The following NEIL3 variants were observed in gnomAD, a reference collection of about 807,000 sequenced individuals.
The protein encoded by NEIL3 is nei like DNA glycosylase 3.
NEIL3 carries 48 observed loss-of-function variants against 57.5 expected under a neutral mutation model. The ratio of observed to expected loss-of-function variants is 0.83; its 90% CI spans 0.66 to 1.06. The LOEUF (loss-of-function observed/expected upper bound fraction) is 1.06, where lower values mean the gene tolerates loss of function less well. NEIL3 is among the 50% of genes least tolerant of loss of function. The probability of loss-of-function intolerance (pLI) is 0.00; values close to 1 mark genes in which losing one functional copy is unlikely to be tolerated. For missense variants in NEIL3, 717 were observed against 739.1 expected (o/e 0.97, Z 0.35); for synonymous variants, 261 against 253.2 (o/e 1.03, Z -0.29).
At position 177,322,573 on chromosome 4, in the gene NEIL3, GCTTT is replaced by G. The variant is rs1734706142; in HGVS notation, c.272_275del (p.Ala91AspfsTer7). 6.2e-7 allele frequency: 1 copy of G among 1,613,716 alleles called. No homozygotes were observed. On this transcript the variant is annotated frameshift_variant, in exon 2 of 10. Transcript: ENST00000264596. LOFTEE classifies it high-confidence loss of function. ...GCTCTTTATGTACTTTGGACCAAAA[GCTTT>G]ACGGTAAGATAAGCCTGTACGATAC...
chr4:177,311,087 A>G (rs1734467492), intron 1 of NEIL3, among the ~76,000 whole-genome samples: 1 of 152,014 alleles, frequency 6.6e-6, no homozygotes, highest in Non-Finnish European at 1.5e-5. Context: ...TTATTGTTAT[A>G]GTGTTTCTAA....
downstream of NEIL3, among the ~76,000 whole-genome samples, chr4:177,363,101 C>T (rs996432344): frequency 1.3e-5 from 2 of 152,054 alleles, no homozygotes; most frequent in East Asian, 1.9e-4. Context: ...TGCGTGTAGG[C>T]GTTTAAAAGA....
intron 6 of NEIL3, among the ~76,000 whole-genome samples, chr4:177,349,034 A>ATTTTTTTTTTTTTTT (rs70938582): frequency 7.0e-5 from 7 of 100,458 alleles, no homozygotes; most frequent in East Asian, 2.8e-4. Flanking sequence ...CACCTGGCTA[A>ATTTTTTTTTTTTTTT]TTTTTTTTTT....
chr4:177,344,333 T>C (rs1735166277), intron 6 of NEIL3, among the ~76,000 whole-genome samples: 1 of 152,240 alleles, frequency 6.6e-6, no homozygotes, highest in Non-Finnish European at 1.5e-5. Context: ...ATTTTCTGGA[T>C]GAGTATTTGA....
At chr4:177,356,494 A>G (rs1277444034) in intron 8 of NEIL3, among the ~76,000 whole-genome samples, 1 of 152,186 alleles carries the variant, frequency 6.6e-6, no homozygotes, top group Non-Finnish European at 1.5e-5. Context: ...CAAGGAATAA[A>G]TTGCAAATTA....
chr4:177,354,959 A>T (rs1735443486), intron 8 of NEIL3, among the ~76,000 whole-genome samples: 1 of 152,128 alleles, frequency 6.6e-6, no homozygotes, highest in African/African-American at 2.4e-5. Flanking sequence ...TTTAATACAT[A>T]ACGTCATCCT....
intron 1 of NEIL3, among the ~76,000 whole-genome samples, chr4:177,317,413 G>A (rs755627987): frequency 5.9e-5 from 9 of 152,024 alleles, no homozygotes; most frequent in Non-Finnish European, 1.2e-4. Context: ...TGCATTTTAA[G>A]TATATTGGGG....
intron 6 of NEIL3, among the ~76,000 whole-genome samples, chr4:177,345,464 CTT>C (rs11368079): frequency 1.6e-3 from 219 of 139,296 alleles, no homozygotes; most frequent in African/African-American, 4.2e-3. Context: ...CAAACCAACT[CTT>C]TTTTTTTTTT....
downstream of NEIL3, among the ~76,000 whole-genome samples, chr4:177,365,795 G>T (rs900634666): frequency 1.3e-5 from 2 of 152,132 alleles, no homozygotes; most frequent in African/African-American, 4.8e-5. Context: ...TTCTGTCTTA[G>T]ATTATTTTGC....
intron 4 of NEIL3, among the ~76,000 whole-genome samples, chr4:177,339,553 A>G (rs1735046255): frequency 6.6e-6 from 1 of 152,190 alleles, no homozygotes; most frequent in Admixed American, 6.5e-5. Context: ...CATTACATTG[A>G]ATAGATTGAG....
intron 8 of NEIL3, chr4:177,353,955 G>A (rs941204107): frequency 2.0e-5 from 9 of 452,990 alleles, no homozygotes; most frequent in East Asian, 8.2e-5. Context: ...CAGTAGAGAC[G>A]GGGTTTCACC....
At chr4:177,355,680 G>A (rs1735457649) in intron 8 of NEIL3, among the ~76,000 whole-genome samples, 1 of 152,114 alleles carries the variant, frequency 6.6e-6, no homozygotes, top group Non-Finnish European at 1.5e-5. Context: ...ATGGGTAGAT[G>A]CCTTCTCTCA....
Position 177,341,462 on chromosome 4 carries a change from T to G in NEIL3, c.703-14T>G, listed in dbSNP as rs1441743047. The G allele has an allele frequency of 3.5e-6, 5 of 1,426,012 alleles. No individual in the cohort carries two copies. The South Asian group carries it at 6.6e-5, about 19-fold the overall frequency. 88.3% of individuals were successfully genotyped at this position (1,426,012 alleles called of 1,614,324 possible). A position where few individuals can be genotyped will look rare whatever the true frequency, so the allele number is the denominator to read the frequency against. Reference sequence around the variant, plus strand: ...TTGTGGATAACAGAATTTTTTGGTTTTTTTTTTTTTTAGTGCCGTAAAGCA... The same window carrying G: ...TTGTGGATAACAGAATTTTTTGGTTGTTTTTTTTTTTAGTGCCGTAAAGCA... On this transcript the variant is annotated splice_polypyrimidine_tract_variant and intron_variant, in intron 5 of 9. Coordinates refer to ENST00000264596, the MANE Select transcript of NEIL3 (RefSeq NM_018248.3).
the NEIL3 span, among the ~76,000 whole-genome samples, chr4:177,368,796 C>A: frequency 6.6e-6 from 1 of 152,116 alleles, no homozygotes; most frequent in Admixed American, 6.5e-5. Context: ...AAATGAAAGT[C>A]CCTTTTTTTG....
intron 2 of NEIL3, among the ~76,000 whole-genome samples, chr4:177,326,986 T>C (rs367551764): frequency 1.3e-4 from 20 of 152,234 alleles, no homozygotes; most frequent in African/African-American, 4.3e-4. Flanking sequence ...GGGCATGTAA[T>C]CCCCTTGTGT....
At chr4:177,335,359 T>C (rs1352594981) in intron 2 of NEIL3, among the ~76,000 whole-genome samples, 1 of 152,176 alleles carries the variant, frequency 6.6e-6, no homozygotes, top group Non-Finnish European at 1.5e-5. Flanking sequence ...TGCTAGACTG[T>C]TCCATGAATA....
intron 8 of NEIL3, among the ~76,000 whole-genome samples, chr4:177,357,566 A>G (rs1024268919): frequency 2.0e-5 from 3 of 152,164 alleles, no homozygotes; most frequent in Admixed American, 1.3e-4. Context: ...CTTCTTGATG[A>G]TAGTTTTTGT....
intron 2 of NEIL3, 121 bp downstream of exon 2, chr4:177,322,701 T>C: frequency 1.8e-6 from 2 of 1,104,414 alleles, no homozygotes; most frequent in Non-Finnish European, 2.6e-6. Context: ...TTAAGAGAGC[T>C]CCAATATGAG....
Position 177,362,683 on chromosome 4 carries a change from G to A in NEIL3, c.*212G>A, listed in dbSNP as rs757802340. 8.1e-5 allele frequency: 34 copies of A among 422,204 alleles called. No homozygotes were observed. The highest frequency in any genetic ancestry group is 3.7e-4 in the African/African-American group (18 of 48,582). The allele number at this position is 422,204 out of a possible 1,614,324, so 26.2% of individuals were successfully genotyped here. A position where few individuals can be genotyped will look rare whatever the true frequency, so the allele number is the denominator to read the frequency against. On this transcript the variant is annotated 3_prime_UTR_variant, in exon 10 of 10. Transcript: ENST00000264596. ...TGATGAACGTTCTATGTATTTCATC[G>A]GATATACAGCATATTCCATTTAGGA...
Sources: gnomAD v4.1 joint callset for allele counts (sites outside exome capture counted in the v4.1 genomes callset) on GRCh38, gnomAD v4.1.1 for gene constraint, MANE v1.5 for transcripts, NCBI Gene and HGNC (gene_info 2026-07-23, HGNC 2026-07-21) for gene names.